Variants in AGMO observed in about 807,000 individuals in gnomAD.
AGMO encodes the protein glyceryl-ether monooxygenase.
AGMO carries 75 observed loss-of-function variants against 60.2 expected under a neutral mutation model. The observed-to-expected ratio is 1.25, with a 90% CI of 1.03 to 1.51. The LOEUF (loss-of-function observed/expected upper bound fraction) is 1.51, where lower values mean the gene tolerates loss of function less well. Ranked by LOEUF, AGMO falls within the 40% of genes most tolerant of loss-of-function variation. The pLI is 0.00. For synonymous variants in AGMO, 261 were observed against 177.1 expected (o/e 1.47, Z -3.76); for missense variants, 763 against 525.5 (o/e 1.45, Z -4.42).
chr7:15,442,635 G>C (rs1198406845), intron 3 of AGMO, among the ~76,000 whole-genome samples: 1 of 152,050 alleles, frequency 6.6e-6, no homozygotes, highest in Admixed American at 6.6e-5. Flanking sequence ...AGGAGGGCAG[G>C]GAAGTGCTGG....
At chr7:15,148,959 A>T in the AGMO span, among the ~76,000 whole-genome samples, 6 of 152,268 alleles carry the variant, frequency 3.9e-5, no homozygotes, top group South Asian at 1.2e-3. Flanking sequence ...CCTTTTCTCC[A>T]CAATCTCAGC....
chr7:15,431,336 T>G (rs1486364142), intron 3 of AGMO, among the ~76,000 whole-genome samples: 1 of 151,898 alleles, frequency 6.6e-6, no homozygotes, highest in Non-Finnish European at 1.5e-5. Flanking sequence ...TAAATATGTA[T>G]AGTTTATATG....
chr7:15,265,016 G>A (rs1783390397), intron 12 of AGMO, among the ~76,000 whole-genome samples: 1 of 151,958 alleles, frequency 6.6e-6, no homozygotes, highest in Non-Finnish European at 1.5e-5. Flanking sequence ...CAAGAGCAAA[G>A]ACATGGAATA....
At position 15,248,212 on chromosome 7, in the gene AGMO, A is replaced by ATC. The variant is rs1554401273; in HGVS notation, c.1264-46854_1264-46853insGA. ...TATATATATATATATATATATATAT[A>ATC]TATATATATATATCTTCATCTTCAA... On this transcript the variant is annotated intron_variant, in intron 12 of 12. Transcript: ENST00000342526. Among the ~76,000 whole-genome samples, 266 of 97,894 alleles carry ATC rather than the reference A, an allele frequency of 2.7e-3. 11 individuals carry two copies. Among genetic ancestry groups the ATC allele is most frequent in the African/African-American group, 0.011 (251 of 22,270 alleles). 64.2% of individuals were successfully genotyped at this position (97,894 alleles called of 152,430 possible).
chr7:15,123,495 A>C, the AGMO span, among the ~76,000 whole-genome samples: 1 of 152,084 alleles, frequency 6.6e-6, no homozygotes, highest in South Asian at 2.1e-4. Context: ...GGGATGAATG[A>C]ATCATGAATG....
the AGMO span, among the ~76,000 whole-genome samples, chr7:15,159,286 C>T: frequency 4.6e-5 from 7 of 152,166 alleles, no homozygotes; most frequent in Admixed American, 4.6e-4. Flanking sequence ...ACTTTGCAGA[C>T]CTTGGTTGAA....
intron 12 of AGMO, among the ~76,000 whole-genome samples, chr7:15,254,976 T>C (rs1304071768): frequency 6.6e-6 from 1 of 151,990 alleles, no homozygotes; most frequent in African/African-American, 2.4e-5. Context: ...TAATAAAAAG[T>C]GTCAATCAAA....
intron 5 of AGMO, among the ~76,000 whole-genome samples, chr7:15,415,814 T>C (rs544879826): frequency 1.5e-4 from 23 of 152,156 alleles, no homozygotes; most frequent in African/African-American, 5.5e-4. Flanking sequence ...ATGTATTAAA[T>C]AAAAAGATTT....
intron 12 of AGMO, among the ~76,000 whole-genome samples, chr7:15,278,093 A>G (rs1783850950): frequency 6.6e-6 from 1 of 152,162 alleles, no homozygotes; most frequent in Admixed American, 6.5e-5. Context: ...TCCAGGCCAC[A>G]GTGTAACTGA....
chr7:15,501,287 A>G (rs1283879464), intron 3 of AGMO, among the ~76,000 whole-genome samples: 1 of 152,004 alleles, frequency 6.6e-6, no homozygotes. Context: ...TAGGGTGGCA[A>G]TTAAAAAGTA....
At chr7:15,212,287 CAA>C (rs1461379241) in intron 12 of AGMO, among the ~76,000 whole-genome samples, 8 of 145,466 alleles carry the variant, frequency 5.5e-5, no homozygotes, top group East Asian at 2.0e-4. Context: ...CACACACACA[CAA>C]ATAGCATGGG....
chr7:15,227,866 T>C (rs1782136599), intron 12 of AGMO, among the ~76,000 whole-genome samples: 1 of 152,146 alleles, frequency 6.6e-6, no homozygotes, highest in Non-Finnish European at 1.5e-5. Context: ...ACTGGACTTC[T>C]GCCTCTTTGT....
intron 12 of AGMO, among the ~76,000 whole-genome samples, chr7:15,315,472 G>A (rs1190955678): frequency 6.6e-6 from 1 of 151,254 alleles, no homozygotes; most frequent in Non-Finnish European, 1.5e-5. Flanking sequence ...AGAGTAGCTG[G>A]GATTACAGGC....
chr7:15,403,832 A>G (rs1422228866), intron 5 of AGMO, among the ~76,000 whole-genome samples: 1 of 151,964 alleles, frequency 6.6e-6, no homozygotes, highest in South Asian at 2.1e-4. Flanking sequence ...ACAACCACAC[A>G]AGTATTTAGA....
chr7:15,431,932 A>G (rs1241847809), intron 3 of AGMO, among the ~76,000 whole-genome samples: 1 of 151,834 alleles, frequency 6.6e-6, no homozygotes, highest in Non-Finnish European at 1.5e-5. Flanking sequence ...GACACAGAAT[A>G]GCCCAAGTCA....
the AGMO span, among the ~76,000 whole-genome samples, chr7:15,171,791 C>T: frequency 4.6e-5 from 7 of 152,190 alleles, no homozygotes; most frequent in Admixed American, 4.6e-4. Flanking sequence ...CTATTATAAA[C>T]ACTGCAATAA....
intron 5 of AGMO, among the ~76,000 whole-genome samples, chr7:15,406,543 G>T (rs1460747713): frequency 2.2e-5 from 2 of 91,686 alleles, no homozygotes; most frequent in African/African-American, 4.2e-5. Context: ...GACTCAAAAG[G>T]CCCCTTTGTT....
chr7:15,539,195 G>A (rs1473510432), intron 3 of AGMO, among the ~76,000 whole-genome samples: 1 of 151,992 alleles, frequency 6.6e-6, no homozygotes, highest in African/African-American at 2.4e-5. Flanking sequence ...TTTGTTCTAT[G>A]TAAACAGTGT....
intron 3 of AGMO, among the ~76,000 whole-genome samples, chr7:15,516,048 T>A (rs1022322111): frequency 1.3e-4 from 20 of 152,098 alleles, no homozygotes; most frequent in African/African-American, 4.8e-4. Context: ...AAATAATAAG[T>A]ATGTGAGGTA....
Sources: gnomAD v4.1 joint callset for allele counts (sites outside exome capture counted in the v4.1 genomes callset) on GRCh38, gnomAD v4.1.1 for gene constraint, MANE v1.5 for transcripts, NCBI Gene and HGNC (gene_info 2026-07-23, HGNC 2026-07-21) for gene names.